The following HPD variants were observed in gnomAD, a reference collection of about 807,000 sequenced individuals.
HPD encodes the protein 4-hydroxyphenylpyruvate dioxygenase.
In HPD, 35 loss-of-function variants were observed where a neutral mutation model predicts 56.9. That is an observed-to-expected ratio of 0.62 (90% CI 0.47 to 0.82). HPD has a LOEUF of 0.82. HPD is among the 40% of genes least tolerant of loss of function. HPD has a pLI of 0.00. For synonymous variants in HPD, 186 were observed against 200.2 expected, an observed-to-expected ratio of 0.93 and a Z score of 0.60; for missense variants, 442 against 506.8, an observed-to-expected ratio of 0.87 and a Z score of 1.23.
intron 6 of HPD, among the ~76,000 whole-genome samples, chr12:121,855,588 G>T (rs1877961399): frequency 6.6e-6 from 1 of 151,894 alleles, no homozygotes; most frequent in Admixed American, 6.6e-5. Flanking sequence ...ATGGTGGCAG[G>T]CGCCTGTAAT....
chr12:121,851,142 A>C (rs1877758761), intron 7 of HPD, among the ~76,000 whole-genome samples: 1 of 151,342 alleles, frequency 6.6e-6, no homozygotes, highest in Non-Finnish European at 1.5e-5. Context: ...GATTACAAGC[A>C]TGAGCCACCG....
the HPD span, among the ~76,000 whole-genome samples, chr12:121,876,065 C>G: frequency 2.6e-5 from 4 of 151,956 alleles, no homozygotes; most frequent in Admixed American, 2.6e-4. Context: ...TAATCCAGCA[C>G]CTGGGAAGGC....
At chr12:121,850,675 G>A (rs1329356964) in intron 7 of HPD, among the ~76,000 whole-genome samples, 2 of 142,806 alleles carry the variant, frequency 1.4e-5, no homozygotes, top group African/African-American at 5.1e-5. Flanking sequence ...TTACAGGCAT[G>A]AGCCACTGTA....
At chr12:121,886,995 G>GT in the HPD span, among the ~76,000 whole-genome samples, 28 of 152,150 alleles carry the variant, frequency 1.8e-4, no homozygotes, top group Admixed American at 2.0e-4. Flanking sequence ...TGCCTCCCCG[G>GT]TTCAAGCGAT....
chr12:121,885,103 C>A, the HPD span, among the ~76,000 whole-genome samples: 3 of 151,850 alleles, frequency 2.0e-5, no homozygotes, highest in Admixed American at 2.0e-4. Flanking sequence ...GTTGGTCAGG[C>A]TAATCTCAAA....
At chr12:121,861,963 T>A (rs1422817543), upstream of HPD, among the ~76,000 whole-genome samples, 1 of 152,046 alleles carries the variant, frequency 6.6e-6, no homozygotes, top group Non-Finnish European at 1.5e-5. Flanking sequence ...TGAGCTATGA[T>A]CGCACCACTG....
chr12:121,858,934 G>A, upstream of HPD: 1 of 1,311,596 alleles, frequency 7.6e-7, no homozygotes, highest in Non-Finnish European at 1.1e-6. Context: ...CCTGGGGGAT[G>A]GGGTGGGGAG....
chr12:121,886,934 C>T, the HPD span, among the ~76,000 whole-genome samples: 33 of 152,166 alleles, frequency 2.2e-4, no homozygotes, highest in Non-Finnish European at 4.0e-4. Flanking sequence ...GAGTCTCACT[C>T]GGTCACTCAG....
chr12:121,885,691 G>A, the HPD span, among the ~76,000 whole-genome samples: 4 of 151,808 alleles, frequency 2.6e-5, no homozygotes, highest in African/African-American at 9.6e-5. Context: ...GGCCAGGTGC[G>A]GTGGCTCACG....
chr12:121,857,649 G>T, intron 3 of HPD, 108 bp downstream of exon 3: 2 of 1,026,626 alleles, frequency 1.9e-6, no homozygotes, highest in Non-Finnish European at 1.5e-6. Context: ...CCCCTGGCCT[G>T]ATCCTCCCTC....
At chr12:121,857,282 G>T in intron 4 of HPD, 46 bp downstream of exon 4, 1 of 1,238,278 alleles carries the variant, frequency 8.1e-7, no homozygotes, top group African/African-American at 1.5e-5. Flanking sequence ...GTTTCACCAT[G>T]TTGGCCAGGC....
chr12:121,882,449 A>G, the HPD span, among the ~76,000 whole-genome samples: 2 of 152,278 alleles, frequency 1.3e-5, no homozygotes, highest in Non-Finnish European at 1.5e-5. Flanking sequence ...TCTAAAACAA[A>G]GGTTTTGCTG....
At chr12:121,881,303 T>C in the HPD span, among the ~76,000 whole-genome samples, 1 of 152,192 alleles carries the variant, frequency 6.6e-6, no homozygotes, top group Non-Finnish European at 1.5e-5. Flanking sequence ...GATATTCCTT[T>C]AGCCCCTCCA....
At chr12:121,849,839 C>A in intron 7 of HPD, 49 bp from the exon 8 acceptor site, 1 of 1,248,504 alleles carries the variant, frequency 8.0e-7, no homozygotes, top group South Asian at 1.2e-5. Context: ...CCATCCCCGC[C>A]GAGGACAGAG....
intron 7 of HPD, among the ~76,000 whole-genome samples, chr12:121,850,415 A>G (rs1877727515): frequency 7.3e-6 from 1 of 136,322 alleles, no homozygotes; most frequent in South Asian, 2.5e-4. Flanking sequence ...CGACAGAATG[A>G]GACTCCGTCT....
At chr12:121,858,761 G>A (rs1263417501) in intron 1 of HPD, 48 bp from the exon 2 acceptor site, 1 of 1,613,946 alleles carries the variant, frequency 6.2e-7, no homozygotes, top group African/African-American at 1.3e-5. Flanking sequence ...CCAACACAAG[G>A]TGCTTCTGGA....
At position 121,839,777 on chromosome 12, in the gene HPD, C is replaced by T; in HGVS notation, c.1133G>A (p.Arg378Gln). The T allele has an allele frequency of 6.2e-7, 1 of 1,614,182 alleles. No individual in the cohort carries two copies. Among genetic ancestry groups the T allele is most frequent in the South Asian group, 1.1e-5 (1 of 91,088 alleles). Residue 378 changes from arginine (R) to glutamine (Q), a missense_variant, in exon 14 of 14, where the codon CGG becomes CAG. Arg to Gln is a conservative substitution (Grantham distance 43, BLOSUM62 1). Coordinates refer to ENST00000289004, the MANE Select transcript of HPD (RefSeq NM_002150.3). ...FKAFEEEQNL[R>Q]GNLTNMETNG... ...GGTCTCCATGTTGGTGAGGTTACCC[C>T]GCAGGTTCTGCTCCTCCTCGAAAGC... is the stretch of plus-strand genomic sequence containing the variant.
the HPD span, among the ~76,000 whole-genome samples, chr12:121,882,391 T>C: frequency 6.6e-6 from 1 of 152,120 alleles, no homozygotes; most frequent in African/African-American, 2.4e-5. Context: ...GAGCAAGATG[T>C]GAAAGCTTGA....
intron 7 of HPD, 127 bp downstream of exon 7, chr12:121,854,576 G>T: frequency 1.3e-6 from 1 of 787,128 alleles, no homozygotes. Context: ...ACGGGGGACA[G>T]ACTTGAGGGA....
Sources: allele counts gnomAD v4.1 joint callset (sites outside exome capture counted in the v4.1 genomes callset), GRCh38; gene constraint gnomAD v4.1.1; transcripts MANE v1.5; gene names NCBI Gene and HGNC (gene_info 2026-07-23, HGNC 2026-07-21).